NTM: variants seen among roughly 807,000 people sequenced by gnomAD.
NTM encodes neurotrimin.
NTM carries 13 observed loss-of-function variants against 42.1 expected under a neutral mutation model. That is an observed-to-expected ratio of 0.31 (90% CI 0.20 to 0.49). The LOEUF (loss-of-function observed/expected upper bound fraction) is 0.49, where lower values mean the gene tolerates loss of function less well. NTM is among the 20% of genes least tolerant of loss of function. The pLI is 0.99. For synonymous variants in NTM, 187 were observed against 179.2 expected, an observed-to-expected ratio of 1.04 and a Z score of -0.35; for missense variants, 373 against 452.8, an observed-to-expected ratio of 0.82 and a Z score of 1.60.
intron 1 of NTM, among the ~76,000 whole-genome samples, chr11:131,374,563 A>G (rs1021044285): frequency 1.3e-5 from 2 of 152,070 alleles, no homozygotes; most frequent in Admixed American, 6.5e-5. Context: ...GTTTTAATTC[A>G]GGCGTCCTGC....
chr11:132,135,415 C>T (rs1377250421), intron 2 of NTM, among the ~76,000 whole-genome samples: 1 of 152,238 alleles, frequency 6.6e-6, no homozygotes, highest in East Asian at 1.9e-4. Flanking sequence ...TGCCTTTGTT[C>T]CAGTTCTCTA....
chr11:131,629,149 TC>T (rs1313337604), intron 1 of NTM, among the ~76,000 whole-genome samples: 2 of 152,208 alleles, frequency 1.3e-5, no homozygotes, highest in Non-Finnish European at 2.9e-5. Context: ...TTTTCTATCA[TC>T]CCTTTAAATG....
chr11:132,104,945 A>ATATATATATATATATATATG (rs2062135635), intron 2 of NTM, among the ~76,000 whole-genome samples: 2 of 31,774 alleles, frequency 6.3e-5, no homozygotes, highest in Non-Finnish European at 1.1e-4. Flanking sequence ...ATGTATATAT[A>ATATATATATATATATATATG]TATATATATA....
chr11:132,199,388 A>T (rs2080806730), intron 3 of NTM, among the ~76,000 whole-genome samples: 2 of 152,194 alleles, frequency 1.3e-5, no homozygotes, highest in Non-Finnish European at 2.9e-5. Flanking sequence ...GCTTTTCTGT[A>T]ATTGGACATA....
chr11:131,692,479 C>T (rs1225140539), intron 1 of NTM, among the ~76,000 whole-genome samples: 1 of 152,222 alleles, frequency 6.6e-6, no homozygotes, highest in Admixed American at 6.5e-5. Flanking sequence ...TGACACAAGC[C>T]TAGACCATCT....
intron 3 of NTM, among the ~76,000 whole-genome samples, chr11:132,187,966 G>C (rs1258319653): frequency 6.6e-6 from 1 of 152,142 alleles, no homozygotes; most frequent in Non-Finnish European, 1.5e-5. Context: ...TGGAAAATGA[G>C]ACATAGCATA....
intron 6 of NTM, 23 bp from the exon 7 acceptor site, chr11:132,314,529 T>A (rs764092604): frequency 6.3e-7 from 1 of 1,598,168 alleles, no homozygotes; most frequent in South Asian, 1.1e-5. Flanking sequence ...GTTTTCTTCT[T>A]TTTTGTCTTT....
chr11:131,514,887 C>T lies in NTM; in HGVS notation c.82+143999C>T, dbSNP rs567865318. ...GATTACAGGCATGAGCCCCCATGCC[C>T]GGCCTTGTATTTTATATATACACAT... On this transcript the variant is annotated intron_variant, in intron 1 of 8. Transcript: ENST00000683400. Among the ~76,000 whole-genome samples, 7 of 151,906 alleles carry T rather than the reference C, an allele frequency of 4.6e-5. 1 individual carries two copies. The highest frequency in any genetic ancestry group is 7.3e-5 in the African/African-American group (3 of 41,342).
chr11:131,965,424 G>A (rs916745862), intron 2 of NTM, among the ~76,000 whole-genome samples: 4 of 152,134 alleles, frequency 2.6e-5, no homozygotes, highest in African/African-American at 9.7e-5. Context: ...GGCATTGGAG[G>A]CACATAAAAG....
intron 1 of NTM, among the ~76,000 whole-genome samples, chr11:131,805,270 G>A (rs1591982027): frequency 6.6e-6 from 1 of 152,174 alleles, no homozygotes; most frequent in Non-Finnish European, 1.5e-5. Context: ...GCTTCCTTCT[G>A]TCTTTGCTTT....
At chr11:131,592,623 ACACAAAT>A (rs2059461529) in intron 1 of NTM, among the ~76,000 whole-genome samples, 2 of 144,312 alleles carry the variant, frequency 1.4e-5, no homozygotes, top group East Asian at 4.1e-4. Context: ...CACCTCCCCA[ACACAAAT>A]ACACACACAC....
At chr11:131,668,036 G>C (rs555076349) in intron 1 of NTM, among the ~76,000 whole-genome samples, 6 of 152,166 alleles carry the variant, frequency 3.9e-5, no homozygotes, top group Non-Finnish European at 4.4e-5. Flanking sequence ...AGCTTTTGTC[G>C]TTCCTATTTT....
intron 1 of NTM, among the ~76,000 whole-genome samples, chr11:131,833,154 T>A (rs1192071912): frequency 6.6e-6 from 1 of 152,236 alleles, no homozygotes; most frequent in Non-Finnish European, 1.5e-5. Context: ...AGATTTCACC[T>A]GTTCACGTTT....
Position 131,651,111 on chromosome 11 carries a change from C to T in NTM, c.83-260453C>T, listed in dbSNP as rs1484121850. On this transcript the variant is annotated intron_variant, in intron 1 of 8. Coordinates refer to ENST00000683400, the MANE Select transcript of NTM (RefSeq NM_001352005.2). Reference sequence around the variant, plus strand: ...CTGACTTTTGCAACTACCGACTGTTCTCAAAAGTATTTTTTTAAGTTTGCT... The same window carrying T: ...CTGACTTTTGCAACTACCGACTGTTTTCAAAAGTATTTTTTTAAGTTTGCT... 3.3e-5 allele frequency among the ~76,000 whole-genome samples: 5 copies of T among 152,144 alleles called. No individual in the cohort carries two copies. The East Asian group carries it at 9.6e-4, about 29-fold the overall frequency.
At chr11:132,203,497 T>A (rs543465829) in intron 3 of NTM, among the ~76,000 whole-genome samples, 9 of 152,330 alleles carry the variant, frequency 5.9e-5, no homozygotes, top group African/African-American at 1.7e-4. Context: ...GCTTCTGATA[T>A]GAAGCTTAGG....
intron 1 of NTM, among the ~76,000 whole-genome samples, chr11:131,812,862 T>G (rs1287076329): frequency 6.6e-6 from 1 of 152,024 alleles, no homozygotes. Context: ...TGTGAGGAGC[T>G]TGAGGCAGGA....
chr11:131,501,367 A>G (rs2046809819), intron 1 of NTM, among the ~76,000 whole-genome samples: 1 of 152,136 alleles, frequency 6.6e-6, no homozygotes. Flanking sequence ...GGCAGATGAA[A>G]AGGAGCTGTC....
At chr11:131,789,933 GC>G (rs773745363) in intron 1 of NTM, among the ~76,000 whole-genome samples, 1 of 134,100 alleles carries the variant, frequency 7.5e-6, no homozygotes, top group Non-Finnish European at 1.5e-5. Context: ...TCCAGCCTGG[GC>G]GACAGAGCGA....
chr11:131,405,496 C>T (rs75363888), intron 1 of NTM, among the ~76,000 whole-genome samples: 1 of 152,090 alleles, frequency 6.6e-6, no homozygotes, highest in African/African-American at 2.4e-5. Flanking sequence ...AATCCATTAG[C>T]ATTTCTTGTT....
Sources: allele counts gnomAD v4.1 joint callset (sites outside exome capture counted in the v4.1 genomes callset), GRCh38; gene constraint gnomAD v4.1.1; transcripts MANE v1.5; gene names NCBI Gene and HGNC (gene_info 2026-07-23, HGNC 2026-07-21).